Variants in NCOR1 observed in about 807,000 individuals in gnomAD.
NCOR1 encodes protein phosphatase 1, regulatory subunit 109.
A neutral mutation model predicts 288.1 loss-of-function variants in NCOR1; 63 were observed. That is an observed-to-expected ratio of 0.22 (90% CI 0.18 to 0.27). The LOEUF is 0.27. NCOR1 is among the 10% of genes least tolerant of loss of function. The probability of loss-of-function intolerance (pLI) is 1.00; values close to 1 mark genes in which losing one functional copy is unlikely to be tolerated. For synonymous variants in NCOR1, 1,007 were observed against 1,065.9 expected (o/e 0.94, Z 1.08); for missense variants, 2,397 against 3,019.2 (o/e 0.79, Z 4.83).
rs1237840049 is a variant in NCOR1, at chr17:16,030,914, T to TA, written c.*1381dup. The TA allele has an allele frequency of 2.6e-5, 5 of 194,148 alleles. No homozygotes were observed. The highest frequency in any genetic ancestry group is 5.4e-5 in the Non-Finnish European group (5 of 93,236). The allele number at this position is 194,148 out of a possible 1,614,324, so 12.0% of individuals were successfully genotyped here. Reference sequence around the variant, plus strand: ...GTCTACTTGAAAGTCTGTAAAGTGCTAATTTTTATCATCCTGAGAGATCTG... The same window carrying TA: ...GTCTACTTGAAAGTCTGTAAAGTGCTAAATTTTTATCATCCTGAGAGATCTG... On this transcript the variant is annotated 3_prime_UTR_variant, in exon 46 of 46. Transcript: ENST00000268712.
intron 14 of NCOR1, among the ~76,000 whole-genome samples, chr17:16,135,558 T>C (rs1427461701): frequency 6.6e-6 from 1 of 152,212 alleles, no homozygotes; most frequent in Admixed American, 6.5e-5. Context: ...CCTCACCTTC[T>C]GTATCTTCTT....
intron 3 of NCOR1, among the ~76,000 whole-genome samples, chr17:16,174,573 TTC>T (rs2083733163): frequency 1.3e-5 from 2 of 152,230 alleles, no homozygotes; most frequent in Non-Finnish European, 2.9e-5. Flanking sequence ...AATGCTCTTT[TTC>T]TATCTAGAAA....
chr17:16,143,596 ATT>A lies in NCOR1; in HGVS notation c.1173+8_1173+9del. The A allele has an allele frequency of 2.5e-6, 4 of 1,601,112 alleles. No homozygotes were observed. Among genetic ancestry groups the A allele is most frequent in the Non-Finnish European group, 3.4e-6 (4 of 1,169,076 alleles). On this transcript the variant is annotated splice_region_variant and intron_variant, in intron 11 of 45. Coordinates refer to ENST00000268712, the MANE Select transcript of NCOR1 (RefSeq NM_006311.4). ...TAACGAATTAACTTGAATTAAATTT[ATT>A]TTCTTACCTCCTGCTCAGAGAGCCC...
At position 16,095,538 on chromosome 17, in the gene NCOR1, T is replaced by TG. The variant is rs1202508704; in HGVS notation, c.2820+2828dup. On this transcript the variant is annotated intron_variant, in intron 21 of 45. Transcript: ENST00000268712. ...CAGCCGCCCCATCCGGGAGGGAGGT[T>TG]GGGGGGTCAGCCCCCCGCCCGGCCA... is the stretch of plus-strand genomic sequence containing the variant. Among the ~76,000 whole-genome samples the TG allele has an allele frequency of 6.0e-3, 666 of 111,686 alleles. 18 individuals are homozygous for TG. The highest frequency in any genetic ancestry group is 0.04 in the East Asian group (126 of 3,170). 73.3% of individuals were successfully genotyped at this position (111,686 alleles called of 152,430 possible).
intron 37 of NCOR1, 25 bp from the exon 38 acceptor site, chr17:16,058,624 CA>C: frequency 6.3e-7 from 1 of 1,581,814 alleles, no homozygotes; most frequent in Middle Eastern, 1.7e-4. Context: ...AATCTTATTT[CA>C]AAACTAATCC....
At chr17:16,200,495 CAAAAAAAA>C (rs55957034) in intron 1 of NCOR1, among the ~76,000 whole-genome samples, 42 of 60,700 alleles carry the variant, frequency 6.9e-4, no homozygotes, top group Middle Eastern at 0.018. Context: ...GACTCCATCT[CAAAAAAAA>C]AAAAAAAAAA....
chr17:16,089,605 G>T (rs1309179501), intron 22 of NCOR1, among the ~76,000 whole-genome samples: 1 of 151,900 alleles, frequency 6.6e-6, no homozygotes, highest in Non-Finnish European at 1.5e-5. Context: ...GACCATGAAG[G>T]GAAAAGTAAA....
At chr17:16,032,922 TCTG>T (rs1239152012) in intron 45 of NCOR1, among the ~76,000 whole-genome samples, 1 of 152,188 alleles carries the variant, frequency 6.6e-6, no homozygotes. Context: ...ATGCAAGTCA[TCTG>T]CTGAATCTCA....
At chr17:16,094,471 T>A (rs1364346348) in intron 21 of NCOR1, among the ~76,000 whole-genome samples, 1 of 152,178 alleles carries the variant, frequency 6.6e-6, no homozygotes, top group East Asian at 1.9e-4. Context: ...AGAAAATAAC[T>A]AAAGAAAAGA....
At chr17:16,203,612 G>A (rs1254102033) in intron 1 of NCOR1, among the ~76,000 whole-genome samples, 2 of 152,042 alleles carry the variant, frequency 1.3e-5, no homozygotes, top group South Asian at 2.1e-4. Context: ...AATGGATTAC[G>A]TACTTCATTT....
At position 16,070,509 on chromosome 17, in the gene NCOR1, A is replaced by G. The variant is rs755471164; in HGVS notation, c.4169T>C (p.Phe1390Ser). The G allele has an allele frequency of 6.2e-6, 10 of 1,613,874 alleles. No individual in the cohort carries two copies. The highest frequency in any genetic ancestry group is 1.3e-5 in the African/African-American group (1 of 74,934). Residue 1390 changes from phenylalanine to serine, a missense_variant, in exon 31 of 46, where the codon TTT becomes TCT. Around this residue, in one of 11 missense-constraint regions of NCOR1, gnomAD observed 1,872 missense variants for 2,187.8 expected, o/e 0.86. Transcript: ENST00000268712. ...GSISQGTPIK[F>S]DNNSGQSAIK... ...GGCAGATTGACCTGAGTTGTTGTCA[A>G]ACTTTATTGGTGTGCCCTAAAGGGA...
chr17:16,044,318 G>A (rs568266809), intron 42 of NCOR1: 105 of 458,942 alleles, frequency 2.3e-4, no homozygotes, highest in South Asian at 1.6e-3. Context: ...AGAAACAGTG[G>A]TGACACTGGC....
Position 16,032,311 on chromosome 17 carries a change from C to A in NCOR1, c.7308G>T (p.Ser2436=). ...PLLSAQYETL[S]DSDD The stretch of plus-strand genomic sequence containing the variant: ...TTTGTGCAGTTCAGTCATCACTATC[C>A]GACAGGGTCTCGTACTGTGCTGAGA... The change falls in exon 46 of 46, where the codon TCG becomes TCT. Residue 2436 remains serine (S), a synonymous_variant. Coordinates refer to ENST00000268712, the MANE Select transcript of NCOR1 (RefSeq NM_006311.4). 1 of 1,612,816 alleles carries A rather than the reference C, an allele frequency of 6.2e-7. No homozygotes were observed. Among genetic ancestry groups the A allele is most frequent in the Non-Finnish European group, 8.5e-7 (1 of 1,179,598 alleles).
At position 16,030,494 on chromosome 17, in the gene NCOR1, A is replaced by G. The variant is rs935907919; in HGVS notation, c.*1802T>C. The G allele has an allele frequency of 3.5e-5, 6 of 171,702 alleles. No individual in the cohort carries two copies. Among genetic ancestry groups the G allele is most frequent in the African/African-American group, 5.0e-5 (2 of 39,648 alleles). The allele number at this position is 171,702 out of a possible 1,614,324, so 10.6% of individuals were successfully genotyped here. ...AACTCTAAAATATTACCAGTACCTG[A>G]AAAAAAAAAATTCAGCAGAAAACTG... On this transcript the variant is annotated 3_prime_UTR_variant, in exon 46 of 46. Coordinates refer to ENST00000268712, the MANE Select transcript of NCOR1 (RefSeq NM_006311.4).
intron 41 of NCOR1, among the ~76,000 whole-genome samples, chr17:16,048,523 A>G (rs1418149810): frequency 6.6e-6 from 1 of 152,198 alleles, no homozygotes; most frequent in Non-Finnish European, 1.5e-5. Context: ...CTTGGTATAC[A>G]GTAAGCATTC....
At chr17:16,064,037 A>G (rs2060835336) in intron 35 of NCOR1, 31 bp downstream of exon 35, 1 of 1,611,758 alleles carries the variant, frequency 6.2e-7, no homozygotes, top group Admixed American at 1.7e-5. Flanking sequence ...AGATGTGTCC[A>G]GAGAATGGAA....
chr17:16,152,852 G>A (rs1264166041), intron 7 of NCOR1, among the ~76,000 whole-genome samples: 2 of 151,970 alleles, frequency 1.3e-5, no homozygotes, highest in African/African-American at 4.8e-5. Flanking sequence ...CATTCTAACT[G>A]GTATGAGATG....
chr17:16,162,209 A>G (rs2080992375), intron 5 of NCOR1, among the ~76,000 whole-genome samples: 1 of 152,150 alleles, frequency 6.6e-6, no homozygotes, highest in Non-Finnish European at 1.5e-5. Context: ...CATATAATTG[A>G]AAAGGAAAAT....
Position 16,032,476 on chromosome 17 carries a change from A to G in NCOR1, c.7143T>C (p.Thr2381=), listed in dbSNP as rs1972221603. ...TAGTCAGAGGGTTATAAGGAAACTG[A>G]GTTGAGCCTGACAAAAGAAAAATTA... ...WEDRPSSTGS[T]QFPYNPLTMR... is the part of the protein sequence containing the mutation. The change falls in exon 46 of 46, where the codon ACT becomes ACC. Residue 2381 remains threonine, a synonymous_variant. Transcript: ENST00000268712. The G allele has an allele frequency of 3.2e-6, 5 of 1,572,172 alleles. No homozygotes were observed. Among genetic ancestry groups the G allele is most frequent in the Non-Finnish European group, 4.3e-6 (5 of 1,162,976 alleles).
Sources: gnomAD v4.1 joint callset for allele counts (sites outside exome capture counted in the v4.1 genomes callset) on GRCh38, gnomAD v4.1.1 for gene constraint, gnomAD v4.1.1 regional missense constraint, MANE v1.5 for transcripts, NCBI Gene and HGNC (gene_info 2026-07-23, HGNC 2026-07-21) for gene names.